The following S100G variants were observed in gnomAD, a reference collection of about 807,000 sequenced individuals.
S100G encodes S100 calcium binding protein G, also known as protein S100-G.
Under a neutral mutation model 4.4 loss-of-function variants are expected in S100G, and 4 were observed. The observed-to-expected ratio is 0.91, with a 90% CI of 0.45 to 2.09. The LOEUF (loss-of-function observed/expected upper bound fraction) is 2.09, where lower values mean the gene tolerates loss of function less well. Among genes scored for constraint, S100G ranks in the 30% most tolerant of loss-of-function variants. The probability of loss-of-function intolerance (pLI) is 0.03; values close to 1 mark genes in which losing one functional copy is unlikely to be tolerated. For missense variants in S100G, 48 were observed against 49.8 expected (o/e 0.96, Z 0.11); for synonymous variants, 24 against 20.1 (o/e 1.20, Z -0.53).
rs1012777466 is a variant in S100G at position 16,652,091 on chromosome X, T to C, written c.135+950T>C. Among the ~76,000 whole-genome samples the C allele has an allele frequency of 2.7e-5, 3 of 111,388 alleles. No homozygotes were observed. The Admixed American group carries it at 2.9e-4, about 11-fold the overall frequency. On this transcript the variant is annotated intron_variant, in intron 2 of 2. Transcript: ENST00000380200. ...GGAGCTTCTGGCTAAATTGCCTTGA[T>C]AGGATTCTAGCTGAAGGCAGGCCAG...
In S100G at chrX:16,651,082, C is replaced by T. The variant is rs779597184; in HGVS notation, c.76C>T (p.Gln26Ter). ...KYAAKEGDPD[Q>*]LSKDELKLLI... ...TGCAGCCAAAGAAGGTGATCCAGACCAGTTGTCAAAGGATGAACTGAAGCT... is the reference window on the plus strand; with the variant it reads ...TGCAGCCAAAGAAGGTGATCCAGACTAGTTGTCAAAGGATGAACTGAAGCT... Residue 26 changes from glutamine to a stop codon, truncating the protein, a stop_gained, in exon 2 of 3, where the codon CAG becomes TAG. Transcript: ENST00000380200. LOFTEE classifies it high-confidence loss of function. The T allele has an allele frequency of 2.5e-5, 30 of 1,206,396 alleles. No individual in the cohort carries two copies. In the South Asian group the frequency reaches 5.1e-4, roughly 21 times the overall value.
At position 16,651,031 on chromosome X, in the gene S100G, G is replaced by A; in HGVS notation, c.25G>A (p.Glu9Lys). The change falls in exon 2 of 3, where the codon GAA (glutamate) becomes AAA (lysine). Residue 9 changes from glutamate to lysine, a missense_variant. Coordinates refer to ENST00000380200, the MANE Select transcript of S100G (RefSeq NM_004057.3). MSTKKSPE[E>K]LKRIFEKYAA... is the part of the protein sequence containing the mutation. ...AATGAGTACTAAAAAGTCTCCTGAGGAACTGAAGAGGATTTTTGAAAAATA... is the reference window on the plus strand; with the variant it reads ...AATGAGTACTAAAAAGTCTCCTGAGAAACTGAAGAGGATTTTTGAAAAATA... 3.3e-6 allele frequency: 4 copies of A among 1,205,286 alleles called. No homozygotes were observed. Among genetic ancestry groups the A allele is most frequent in the Non-Finnish European group, 4.5e-6 (4 of 890,219 alleles).
intron 2 of S100G, among the ~76,000 whole-genome samples, chrX:16,651,551 C>T (rs190152294): frequency 1.8e-5 from 2 of 112,205 alleles, no homozygotes; most frequent in Admixed American, 1.9e-4. Context: ...TGTAAAATCC[C>T]TCAACAAGAC....
Position 16,654,596 on chromosome X carries a change from G to T in S100G, c.*87G>T. 1 of 471,326 alleles carries T rather than the reference G, an allele frequency of 2.1e-6. No homozygotes were observed. Among genetic ancestry groups the T allele is most frequent in the Non-Finnish European group, 3.5e-6 (1 of 283,532 alleles). The allele number at this position is 471,326 out of a possible 1,213,427, so 38.8% of individuals were successfully genotyped here. A position where few individuals can be genotyped will look rare whatever the true frequency, so the allele number is the denominator to read the frequency against. ...CTATGTGGAATCCCCCAAAGTCTCT[G>T]GTTTAATTCTTTGCAATTATAATAA... On this transcript the variant is annotated 3_prime_UTR_variant, in exon 3 of 3. Transcript: ENST00000380200.
At chrX:16,651,998 T>C (rs762374441) in intron 2 of S100G, among the ~76,000 whole-genome samples, 1 of 103,123 alleles carries the variant, frequency 9.7e-6, no homozygotes, top group Non-Finnish European at 2.0e-5. Context: ...TAAGTGGGGG[T>C]TTATGACCAT....
Position 16,651,561 on chromosome X carries a change from C to G in S100G, c.135+420C>G, listed in dbSNP as rs879171126. On this transcript the variant is annotated intron_variant, in intron 2 of 2. Transcript: ENST00000380200. ...GTGTATGTAAAATCCCTCAACAAGA[C>G]CAACACTTACTTAGCAGTCTGTTAG... Among the ~76,000 whole-genome samples, 9 of 112,197 alleles carry G rather than the reference C, an allele frequency of 8.0e-5. No individual in the cohort carries two copies. The Admixed American group carries it at 8.5e-4, about 11-fold the overall frequency.
At chrX:16,652,090 A>T (rs1330146171) in intron 2 of S100G, among the ~76,000 whole-genome samples, 1 of 111,663 alleles carries the variant, frequency 9.0e-6, no homozygotes, top group Non-Finnish European at 1.9e-5. Context: ...AATTGCCTTG[A>T]TAGGATTCTA....
chrX:16,654,227 G>C (rs1224548145), intron 2 of S100G, among the ~76,000 whole-genome samples, 178 bp from the exon 3 acceptor site: 1 of 112,640 alleles, frequency 8.9e-6, no homozygotes, highest in East Asian at 2.8e-4. Context: ...CTATGACACG[G>C]AGCAATACAA....
intron 2 of S100G, 30 bp downstream of exon 2, chrX:16,651,171 T>C: frequency 2.4e-6 from 1 of 418,484 alleles, no homozygotes; most frequent in Non-Finnish European, 4.1e-6. Context: ...GCCCACTTAA[T>C]GGGACTGATG....
rs755394350 is a variant in S100G at position 16,651,856 on chromosome X, A to G, written c.135+715A>G. Among the ~76,000 whole-genome samples the G allele has an allele frequency of 1.5e-3, 171 of 111,720 alleles. 1 individual carries two copies. The highest frequency in any genetic ancestry group is 5.3e-3 in the African/African-American group (164 of 30,745). ...GTACTGTCTTTCCTTTTGCTAAAGA[A>G]AAAGCTGAGTCAGGACACTTGCCAA... On this transcript the variant is annotated intron_variant, in intron 2 of 2. Transcript: ENST00000380200.
chrX:16,650,812 A>C (rs1379344415), intron 1 of S100G, among the ~76,000 whole-genome samples, 187 bp from the exon 2 acceptor site: 1 of 110,348 alleles, frequency 9.1e-6, no homozygotes, highest in Admixed American at 9.7e-5. Context: ...TGCCTGGCCT[A>C]AGATGCTTAT....
At chrX:16,653,413 G>C (rs1654005083) in intron 2 of S100G, among the ~76,000 whole-genome samples, 1 of 112,255 alleles carries the variant, frequency 8.9e-6, no homozygotes, top group Admixed American at 9.4e-5. Context: ...AGATTCTCCA[G>C]CTTGAACAAC....
chrX:16,653,248 G>A (rs1486291216), intron 2 of S100G, among the ~76,000 whole-genome samples: 1 of 110,722 alleles, frequency 9.0e-6, no homozygotes, highest in Non-Finnish European at 1.9e-5. Flanking sequence ...AGAGTTTTAT[G>A]GTAGAGACAA....
chrX:16,652,758 A>G (rs1226415631), intron 2 of S100G, among the ~76,000 whole-genome samples: 1 of 111,815 alleles, frequency 8.9e-6, no homozygotes, highest in Non-Finnish European at 1.9e-5. Context: ...CTGAAAGTCT[A>G]CTTAACATGT....
chrX:16,650,344 T>C (rs1932543437), intron 1 of S100G, 141 bp downstream of exon 1: 1 of 110,706 alleles, frequency 9.0e-6, no homozygotes, highest in Non-Finnish European at 1.9e-5. Context: ...ACTTAGAAGC[T>C]AGAAGCTGTG....
rs1218227629 is a variant in S100G, at chrX:16,651,116, A to C, written c.110A>C (p.Gln37Pro). 4 of 1,101,756 alleles carry C rather than the reference A, an allele frequency of 3.6e-6. No homozygotes were observed. The highest frequency in any genetic ancestry group is 4.8e-6 in the Non-Finnish European group (4 of 827,098). 90.8% of individuals were successfully genotyped at this position (1,101,756 alleles called of 1,213,427 possible). ...LSKDELKLLI[Q>P]AEFPSLLKGP... ...AAGGATGAACTGAAGCTATTGATTC[A>C]GGCTGAATTCCCCAGTTTACTCAAA... is the stretch of plus-strand genomic sequence containing the variant. The change falls in exon 2 of 3, where the codon CAG becomes CCG. Residue 37 changes from glutamine to proline, a missense_variant. Physicochemically the swap from Gln to Pro is moderately conservative, Grantham distance 76. Transcript: ENST00000380200.
At chrX:16,654,337 G>A (rs2147269642) in intron 2 of S100G, 68 bp from the exon 3 acceptor site, 1 of 721,048 alleles carries the variant, frequency 1.4e-6, no homozygotes, top group African/African-American at 2.2e-5. Flanking sequence ...TAATTTCTGA[G>A]AATGTGTAGC....
chrX:16,651,188 GGGGAGGGA>G, intron 2 of S100G, 47 bp downstream of exon 2: 2 of 1,019,830 alleles, frequency 2.0e-6, no homozygotes, highest in Non-Finnish European at 2.8e-6. Context: ...GATGGTGGGA[GGGGAGGGA>G]GGGAGGGGAG....
chrX:16,653,695 C>T (rs1250599355), intron 2 of S100G, among the ~76,000 whole-genome samples: 1 of 112,018 alleles, frequency 8.9e-6, no homozygotes. Context: ...GGTCAGCAAG[C>T]CTATCGTGTG....
Sources: allele counts gnomAD v4.1 joint callset (sites outside exome capture counted in the v4.1 genomes callset), GRCh38; gene constraint gnomAD v4.1.1; transcripts MANE v1.5; gene names NCBI Gene and HGNC (gene_info 2026-07-23, HGNC 2026-07-21).